Variants in IYD observed in about 807,000 individuals in gnomAD.
The protein encoded by IYD is iodotyrosine deiodinase 1.
In IYD, 25 loss-of-function variants were observed where a neutral mutation model predicts 28.4. That is an observed-to-expected ratio of 0.88 (90% CI 0.64 to 1.23). The LOEUF is 1.23. Ranked by LOEUF, IYD falls within the 50% of genes most tolerant of loss-of-function variation. The pLI is 0.00. For synonymous variants in IYD, 140 were observed against 130.8 expected (o/e 1.07, Z -0.48); for missense variants, 352 against 357.9 (o/e 0.98, Z 0.13).
rs28970293 is a variant in IYD, at chr6:150,372,617, G to A, written c.178+3408G>A. 2.7e-3 allele frequency among the ~76,000 whole-genome samples: 61 copies of A among 22,434 alleles called. 2 individuals are homozygous for A. Among genetic ancestry groups the A allele is most frequent in the Non-Finnish European group, 3.4e-3 (42 of 12,368 alleles). 14.7% of individuals were successfully genotyped at this position (22,434 alleles called of 152,430 possible). ...GGGAACATTGTGTTGGTCCATGCTTGTTAGACATGTGTGTGTATGGGTGGG... is the reference window on the plus strand; with the variant it reads ...GGGAACATTGTGTTGGTCCATGCTTATTAGACATGTGTGTGTATGGGTGGG... On this transcript the variant is annotated intron_variant, in intron 1 of 4. Transcript: ENST00000344419.
chr6:150,382,808 T>C (rs182647344), intron 1 of IYD, among the ~76,000 whole-genome samples: 1 of 152,354 alleles, frequency 6.6e-6, no homozygotes, highest in Admixed American at 6.5e-5. Flanking sequence ...TTTTAGTTCT[T>C]TTTTCCAAAT....
At position 150,392,905 on chromosome 6, in the gene IYD, T is replaced by C. The variant is rs138352691; in HGVS notation, c.530+401T>C. Among the ~76,000 whole-genome samples, 460 of 152,148 alleles carry C rather than the reference T, an allele frequency of 3.0e-3. 9 individuals carry two copies. The East Asian group carries it at 0.036, about 12-fold the overall frequency. The stretch of plus-strand genomic sequence containing the variant: ...TTATCTGTGAGGCCTTAGTAACTTT[T>C]TGGCTTCCTCAACTCCAGGAAAGAA... On this transcript the variant is annotated intron_variant, in intron 3 of 4. Coordinates refer to ENST00000344419, the MANE Select transcript of IYD (RefSeq NM_203395.3).
In IYD at chr6:150,404,306, T is replaced by TA. The variant is rs1177221029; in HGVS notation, c.*6070dup. 3.9e-5 allele frequency: 6 copies of TA among 152,240 alleles called. No individual in the cohort carries two copies. The highest frequency in any genetic ancestry group is 8.8e-5 in the Non-Finnish European group (6 of 68,038). 9.4% of individuals were successfully genotyped at this position (152,240 alleles called of 1,614,324 possible). On this transcript the variant is annotated 3_prime_UTR_variant, in exon 5 of 5. Coordinates refer to ENST00000344419, the MANE Select transcript of IYD (RefSeq NM_203395.3). ...TGTTAAGTTTAGGACTAATCTTGTG[T>TA]ATGCTCCTTAAGTGATTTGAATCTT...
intron 4 of IYD, among the ~76,000 whole-genome samples, chr6:150,394,948 C>T (rs1778256943): frequency 6.6e-6 from 1 of 152,220 alleles, no homozygotes; most frequent in South Asian, 2.1e-4. Context: ...CCACCTCAGC[C>T]TCCTGAATAG....
rs1778618615 is a variant in IYD at position 150,405,567 on chromosome 6, A to G, written c.*7330A>G. The stretch of plus-strand genomic sequence containing the variant: ...ACAATCATGGCAGAAAGAAAAGCAA[A>G]CATGCCCTTCTTCACATGGTGACAG... On this transcript the variant is annotated 3_prime_UTR_variant, in exon 5 of 5. Transcript: ENST00000344419. The G allele has an allele frequency of 6.6e-6, 1 of 152,254 alleles. No homozygotes were observed. Among genetic ancestry groups the G allele is most frequent in the Non-Finnish European group, 1.5e-5 (1 of 68,094 alleles). The allele number at this position is 152,254 out of a possible 1,614,324, so 9.4% of individuals were successfully genotyped here.
Position 150,389,971 on chromosome 6 carries a change from G to A in IYD, c.370+428G>A, listed in dbSNP as rs1009874926. ...TTCTTATATTACACACCATGATGCT[G>A]TAGTACAGTATTCTCATTAACTAGC... On this transcript the variant is annotated intron_variant, in intron 2 of 4. Transcript: ENST00000344419. Among the ~76,000 whole-genome samples, 6 of 152,134 alleles carry A rather than the reference G, an allele frequency of 3.9e-5. No individual in the cohort carries two copies. In the East Asian group the frequency reaches 7.7e-4, roughly 20 times the overall value.
intron 1 of IYD, among the ~76,000 whole-genome samples, chr6:150,377,242 G>A (rs570127135): frequency 2.2e-4 from 34 of 152,272 alleles, no homozygotes; most frequent in African/African-American, 7.0e-4. Flanking sequence ...GTGGACCTTC[G>A]AGCTTGAATA....
intron 1 of IYD, among the ~76,000 whole-genome samples, chr6:150,380,195 A>G (rs12203809): frequency 0.13 from 20,042 of 152,184 alleles, 1,477 homozygotes; most frequent in Non-Finnish European, 0.16. Flanking sequence ...TTTGCATTAT[A>G]CATAGTATTT....
In IYD at chr6:150,376,920, C is replaced by T. The variant is rs116585646; in HGVS notation, c.178+7711C>T. On this transcript the variant is annotated intron_variant, in intron 1 of 4. Transcript: ENST00000344419. The stretch of plus-strand genomic sequence containing the variant: ...TACAGGCATGAGCCACTGGGCACAT[C>T]CTAATTACATTTCTTTTGGAAAGAA... 1.1e-3 allele frequency among the ~76,000 whole-genome samples: 164 copies of T among 152,248 alleles called. 1 individual carries two copies. Among genetic ancestry groups the T allele is most frequent in the African/African-American group, 3.8e-3 (158 of 41,556 alleles).
rs1210987154 is a variant in IYD, at chr6:150,381,015, A to C, written c.179-8337A>C. On this transcript the variant is annotated intron_variant, in intron 1 of 4. Coordinates refer to ENST00000344419, the MANE Select transcript of IYD (RefSeq NM_203395.3). ...AATCGTCAGAGGTTTACAATTTTAC[A>C]CTGTCTTCTTCCCTCATCAGCCTGG... Among the ~76,000 whole-genome samples, 4 of 152,264 alleles carry C rather than the reference A, an allele frequency of 2.6e-5. No individual in the cohort carries two copies. In the East Asian group the frequency reaches 7.7e-4, roughly 29 times the overall value.
chr6:150,370,359 ATGAG>A (rs1227339472), intron 1 of IYD: 1 of 327,438 alleles, frequency 3.1e-6, no homozygotes, highest in Non-Finnish European at 4.3e-6. Flanking sequence ...ACGTGTGTGC[ATGAG>A]TGTGTGTGAG....
At chr6:150,388,233 C>G (rs1777951748) in intron 1 of IYD, among the ~76,000 whole-genome samples, 2 of 152,160 alleles carry the variant, frequency 1.3e-5, no homozygotes, top group African/African-American at 4.8e-5. Context: ...GACACTTCCC[C>G]TAAGGATGTA....
chr6:150,401,878 G>T lies in IYD; in HGVS notation c.*3641G>T, dbSNP rs1327175819. Reference sequence around the variant, plus strand: ...AAGAGGGAATTTTTAACTCAAAGTTGTGTCAGCCAGCACGGGGTAGAGCCA... The same window carrying T: ...AAGAGGGAATTTTTAACTCAAAGTTTTGTCAGCCAGCACGGGGTAGAGCCA... On this transcript the variant is annotated 3_prime_UTR_variant, in exon 5 of 5. Coordinates refer to ENST00000344419, the MANE Select transcript of IYD (RefSeq NM_203395.3). 6.6e-6 allele frequency: 1 copy of T among 152,192 alleles called. No individual in the cohort carries two copies. Among genetic ancestry groups the T allele is most frequent in the Admixed American group, 6.5e-5 (1 of 15,290 alleles). 9.4% of individuals were successfully genotyped at this position (152,192 alleles called of 1,614,324 possible). A position where few individuals can be genotyped will look rare whatever the true frequency, so the allele number is the denominator to read the frequency against.
chr6:150,376,721 A>T (rs1777457236), intron 1 of IYD, among the ~76,000 whole-genome samples: 1 of 151,954 alleles, frequency 6.6e-6, no homozygotes, highest in Non-Finnish European at 1.5e-5. Context: ...AAACTCCTGG[A>T]CTCAAGCTAT....
chr6:150,382,698 C>T (rs954837516), intron 1 of IYD, among the ~76,000 whole-genome samples: 3 of 152,164 alleles, frequency 2.0e-5, no homozygotes, highest in African/African-American at 7.2e-5. Flanking sequence ...AACTATCTTC[C>T]TATTGATTCA....
At chr6:150,387,734 T>C (rs1451732375) in intron 1 of IYD, among the ~76,000 whole-genome samples, 1 of 152,166 alleles carries the variant, frequency 6.6e-6, no homozygotes, top group African/African-American at 2.4e-5. Flanking sequence ...TAGTCAACCA[T>C]CCTTTTAAGT....
chr6:150,381,139 G>A (rs1777633182), intron 1 of IYD, among the ~76,000 whole-genome samples: 1 of 152,168 alleles, frequency 6.6e-6, no homozygotes, highest in Non-Finnish European at 1.5e-5. Context: ...ACACTTTTAA[G>A]TTCTTACTCA....
intron 2 of IYD, among the ~76,000 whole-genome samples, chr6:150,391,028 A>C (rs1430791711): frequency 6.6e-6 from 1 of 152,114 alleles, no homozygotes; most frequent in African/African-American, 2.4e-5. Flanking sequence ...CACGAGGTCA[A>C]GAGATTGAAA....
intron 4 of IYD, chr6:150,396,731 A>G (rs140870909): frequency 0.024 from 6,217 of 260,680 alleles, 118 homozygotes; most frequent in Middle Eastern, 0.058. Context: ...AAAATGAGCC[A>G]GGCGTGGTGG....
Sources: gnomAD v4.1 joint callset for allele counts (sites outside exome capture counted in the v4.1 genomes callset) on GRCh38, gnomAD v4.1.1 for gene constraint, MANE v1.5 for transcripts, NCBI Gene and HGNC (gene_info 2026-07-23, HGNC 2026-07-21) for gene names.